The following CAPN6 variants were observed in gnomAD, a reference collection of about 807,000 sequenced individuals.
CAPN6 encodes calpain 6, also known as calpain-6.
A neutral mutation model predicts 46.0 loss-of-function variants in CAPN6; 16 were observed. That is an observed-to-expected ratio of 0.35 (90% CI 0.24 to 0.53). The LOEUF (loss-of-function observed/expected upper bound fraction) is 0.53. Ranked by LOEUF, CAPN6 falls within the 20% of genes least tolerant of loss-of-function variation. CAPN6 has a pLI of 0.94. For missense variants in CAPN6, 461 were observed against 498.0 expected (o/e 0.93, Z 0.71); for synonymous variants, 206 against 172.8 (o/e 1.19, Z -1.51).
At chrX:111,257,580 T>C (rs2094984861) in intron 2 of CAPN6, among the ~76,000 whole-genome samples, 1 of 112,334 alleles carries the variant, frequency 8.9e-6, no homozygotes, top group African/African-American at 3.2e-5. Context: ...CCAAACAGAC[T>C]ATTTGGTGAC....
intron 4 of CAPN6, among the ~76,000 whole-genome samples, chrX:111,252,760 C>T (rs2094980748): frequency 8.9e-6 from 1 of 111,902 alleles, no homozygotes; most frequent in African/African-American, 3.3e-5. Context: ...ATGTGATCTG[C>T]AGATAGCAGG....
chrX:111,254,252 T>C lies in CAPN6; in HGVS notation c.297+20A>G, dbSNP rs759771220. ...ACAAGAAAGTGGAAACTGAATGAGGTCCCACAGGAGGGATAATACCTTTGT... is the reference window on the plus strand; with the variant it reads ...ACAAGAAAGTGGAAACTGAATGAGGCCCCACAGGAGGGATAATACCTTTGT... On this transcript the variant is annotated intron_variant, in intron 3 of 12. Coordinates refer to ENST00000324068, the MANE Select transcript of CAPN6 (RefSeq NM_014289.4). 3 of 1,168,898 alleles carry C rather than the reference T, an allele frequency of 2.6e-6. No homozygotes were observed. In the Admixed American group the frequency reaches 6.9e-5, roughly 27 times the overall value.
At chrX:111,249,366 A>G (rs1030364256) in intron 8 of CAPN6, among the ~76,000 whole-genome samples, 6 of 110,763 alleles carry the variant, frequency 5.4e-5, no homozygotes, top group African/African-American at 2.0e-4. Context: ...TATTATTATT[A>G]TTGTTATTAT....
At chrX:111,251,874 C>G in intron 5 of CAPN6, 132 bp from the exon 6 acceptor site, 2 of 512,012 alleles carry the variant, frequency 3.9e-6, no homozygotes, top group Non-Finnish European at 6.5e-6. Context: ...CATCCTGACA[C>G]CCAACTTGAA....
chrX:111,251,966 A>G (rs2094979950), intron 5 of CAPN6, among the ~76,000 whole-genome samples: 1 of 112,444 alleles, frequency 8.9e-6, no homozygotes, highest in Admixed American at 9.4e-5. Context: ...ACTGTAGGAC[A>G]TTAATATGAA....
intron 1 of CAPN6, among the ~76,000 whole-genome samples, chrX:111,265,060 C>CA (rs760266138): frequency 1.1e-3 from 122 of 110,885 alleles, no homozygotes; most frequent in African/African-American, 1.0e-3. Context: ...AGGGTTGAAA[C>CA]AAAAAAAACC....
In CAPN6 at chrX:111,258,989, G is replaced by A. The variant is rs1013499080; in HGVS notation, c.166-4586C>T. Among the ~76,000 whole-genome samples, 5 of 111,698 alleles carry A rather than the reference G, an allele frequency of 4.5e-5. No homozygotes were observed. In the Admixed American group the frequency reaches 4.8e-4, roughly 11 times the overall value. ...GAAATGTACAGAATAGGCAGTTCTGGATAGAAACCAAAAGTACATTAGTGG... is the reference window on the plus strand; with the variant it reads ...GAAATGTACAGAATAGGCAGTTCTGAATAGAAACCAAAAGTACATTAGTGG... On this transcript the variant is annotated intron_variant, in intron 2 of 12. Coordinates refer to ENST00000324068, the MANE Select transcript of CAPN6 (RefSeq NM_014289.4).
At chrX:111,256,855 C>A (rs868405234) in intron 2 of CAPN6, among the ~76,000 whole-genome samples, 2 of 103,716 alleles carry the variant, frequency 1.9e-5, no homozygotes, top group Non-Finnish European at 3.9e-5. Context: ...ACCCCCCCCC[C>A]CACAACATTC....
In CAPN6 at chrX:111,247,452, A is replaced by G. The variant is rs1327142430; in HGVS notation, c.1659T>C (p.Pro553=). ...TGGCATGAACTGTATTCTTCTGGAC[A>G]GGAGAACGGACTTCCTCCTTTCCAC... ...IKCGKEEVRS[P]VQKNTVHAIF... is the part of the protein sequence containing the mutation. Residue 553 remains proline, a synonymous_variant, in exon 12 of 13, where the codon CCT becomes CCC. Transcript: ENST00000324068. 1.7e-6 allele frequency: 2 copies of G among 1,208,069 alleles called. No homozygotes were observed. The highest frequency in any genetic ancestry group is 3.0e-5 in the East Asian group (1 of 33,784).
chrX:111,250,350 C>T (rs2094978156), intron 8 of CAPN6, among the ~76,000 whole-genome samples: 1 of 111,173 alleles, frequency 9.0e-6, no homozygotes, highest in South Asian at 3.8e-4. Flanking sequence ...GTGGACTTGA[C>T]CCTGTTATGT....
rs761919477 is a variant in CAPN6, at chrX:111,247,396, C to A, written c.1715G>T (p.Arg572Met). The A allele has an allele frequency of 1.7e-6, 2 of 1,209,087 alleles. No individual in the cohort carries two copies. Among genetic ancestry groups the A allele is most frequent in the Non-Finnish European group, 2.2e-6 (2 of 894,302 alleles). ...IFDTQAIFYR[R>M]TTDIPIIVQV... is the part of the protein sequence containing the mutation. ...TACTATAATAGGAATGTCAGTGGTCCTTCTGTAGAAAATGGCCTGGGTGTC... is the reference window on the plus strand; with the variant it reads ...TACTATAATAGGAATGTCAGTGGTCATTCTGTAGAAAATGGCCTGGGTGTC... The change falls in exon 12 of 13, where the codon AGG becomes ATG. Residue 572 changes from arginine to methionine, a missense_variant. Transcript: ENST00000324068.
rs1263602402 is a variant in CAPN6 at position 111,248,990 on chromosome X, G to A, written c.1226C>T (p.Thr409Ile). The A allele has an allele frequency of 8.3e-7, 1 of 1,211,310 alleles. No individual in the cohort carries two copies. The highest frequency in any genetic ancestry group is 2.2e-5 in the Admixed American group (1 of 46,042). Residue 409 changes from threonine (T) to isoleucine (I), a missense_variant, in exon 9 of 13, where the codon ACT (threonine) becomes ATT (isoleucine). Transcript: ENST00000324068. ...IMSLQQKDLR[T>I]YRRMGRPDNY... Reference sequence around the variant, plus strand: ...GTCAGGTCTTCCCATTCGGCGGTAAGTGCGCAGGTCCTTCTGCTGCAGTGA... The same window carrying A: ...GTCAGGTCTTCCCATTCGGCGGTAAATGCGCAGGTCCTTCTGCTGCAGTGA...
In CAPN6 at chrX:111,251,839, C is replaced by T. The variant is rs1459354653; in HGVS notation, c.700-97G>A. ...TTGGCTTAACCCAGTAGGATTGAAG[C>T]TAGTTCTCACACAGATGGAAATTTC... On this transcript the variant is annotated intron_variant, in intron 5 of 12. Coordinates refer to ENST00000324068, the MANE Select transcript of CAPN6 (RefSeq NM_014289.4). 5 of 686,148 alleles carry T rather than the reference C, an allele frequency of 7.3e-6. No individual in the cohort carries two copies. The Admixed American group carries it at 8.4e-5, about 12-fold the overall frequency. 56.5% of individuals were successfully genotyped at this position (686,148 alleles called of 1,213,427 possible).
chrX:111,248,084 TGA>T, intron 10 of CAPN6, 92 bp from the exon 11 acceptor site: 1 of 893,319 alleles, frequency 1.1e-6, no homozygotes, highest in Non-Finnish European at 1.6e-6. Flanking sequence ...CTGAAAAGCA[TGA>T]GACATTGTGT....
Position 111,245,169 on chromosome X carries a change from G to A in CAPN6, c.*1408C>T, listed in dbSNP as rs1452016412. On this transcript the variant is annotated 3_prime_UTR_variant, in exon 13 of 13. Transcript: ENST00000324068. ...GCAGTGTAGTGAAGGCACTGCAGAA[G>A]TTAAACAGACTGGAAAACATGGTAA... 2 of 112,662 alleles carry A rather than the reference G, an allele frequency of 1.8e-5. No homozygotes were observed. The highest frequency in any genetic ancestry group is 3.7e-5 in the Non-Finnish European group (2 of 53,363). The allele number at this position is 112,662 out of a possible 1,213,427, so 9.3% of individuals were successfully genotyped here. A position where few individuals can be genotyped will look rare whatever the true frequency, so the allele number is the denominator to read the frequency against.
At chrX:111,265,991 G>A (rs1356671522) in intron 1 of CAPN6, among the ~76,000 whole-genome samples, 1 of 110,988 alleles carries the variant, frequency 9.0e-6, no homozygotes, top group African/African-American at 3.3e-5. Context: ...GAGGCAGAAT[G>A]TACAGCTCAC....
chrX:111,266,531 T>C (rs766330947), intron 1 of CAPN6, among the ~76,000 whole-genome samples: 5 of 112,840 alleles, frequency 4.4e-5, no homozygotes, highest in African/African-American at 6.4e-5. Context: ...GTTGAACAGA[T>C]AAATGTCTTA....
chrX:111,248,085 G>A (rs1156288986), intron 10 of CAPN6, 93 bp from the exon 11 acceptor site: 1 of 893,396 alleles, frequency 1.1e-6, no homozygotes, highest in Non-Finnish European at 1.6e-6. Context: ...TGAAAAGCAT[G>A]AGACATTGTG....
chrX:111,252,987 A>G (rs2094980962), intron 4 of CAPN6, 21 bp downstream of exon 4: 10 of 1,160,638 alleles, frequency 8.6e-6, no homozygotes, highest in Non-Finnish European at 1.2e-5. Flanking sequence ...CTGATAGCAG[A>G]CTAGTCAATC....
Sources: gnomAD v4.1 joint callset for allele counts (sites outside exome capture counted in the v4.1 genomes callset) on GRCh38, gnomAD v4.1.1 for gene constraint, MANE v1.5 for transcripts, NCBI Gene and HGNC (gene_info 2026-07-23, HGNC 2026-07-21) for gene names.